Variants in COXFA4L2 observed in about 807,000 individuals in gnomAD.
The protein encoded by COXFA4L2 is cytochrome c oxidase hypoxia associated subunit FA4L2, also known as NADH dehydrogenase (ubiquinone) 1 alpha subcomplex, 4-like 2.
chr12:57,237,593 G>T, the COXFA4L2 span, among the ~76,000 whole-genome samples: 3 of 152,216 alleles, frequency 2.0e-5, no homozygotes, highest in Admixed American at 2.0e-4. Context: ...ACAGTGTAGT[G>T]GGGGAAGGAG....
chr12:57,240,714 C>A, the COXFA4L2 span: 1 of 985,524 alleles, frequency 1.0e-6, no homozygotes, highest in Non-Finnish European at 1.2e-6. Flanking sequence ...ACACACTCCC[C>A]GCTGGCTCTT....
the COXFA4L2 span, chr12:57,236,886 C>T: frequency 3.6e-5 from 43 of 1,180,732 alleles, no homozygotes; most frequent in East Asian, 8.9e-4. Flanking sequence ...GACACAGGGA[C>T]GTTTCGGAGA....
At chr12:57,236,351 A>C in the COXFA4L2 span, 2 of 484,762 alleles carry the variant, frequency 4.1e-6, no homozygotes, top group Non-Finnish European at 7.2e-6. Context: ...CGTCATGGCA[A>C]CCCGGCCGGG....
chr12:57,235,523 G>T, the COXFA4L2 span: 2 of 1,604,120 alleles, frequency 1.2e-6, no homozygotes, highest in Non-Finnish European at 1.7e-6. Flanking sequence ...GGATGGGCTG[G>T]CTGGCTGTGG....
the COXFA4L2 span, chr12:57,236,487 G>C: frequency 4.2e-4 from 402 of 959,718 alleles, 1 homozygote; most frequent in African/African-American, 4.5e-3. Flanking sequence ...GGTCGGTACA[G>C]TCGAAGGTGC....
chr12:57,235,406 G>A, the COXFA4L2 span: 2 of 785,806 alleles, frequency 2.5e-6, no homozygotes, highest in Non-Finnish European at 4.3e-6. Flanking sequence ...AGGAGAGTAG[G>A]GGTGGAGCAG....
chr12:57,237,447 T>A, the COXFA4L2 span: 1 of 837,546 alleles, frequency 1.2e-6, no homozygotes, highest in Non-Finnish European at 1.6e-6. Context: ...GACAGGCACT[T>A]AGCAAAATGC....
At chr12:57,236,148 G>A in the COXFA4L2 span, 1 of 341,014 alleles carries the variant, frequency 2.9e-6, no homozygotes, top group Non-Finnish European at 5.3e-6. Flanking sequence ...TGGGTTTCTG[G>A]TGATGTGCCG....
the COXFA4L2 span, chr12:57,235,270 C>T: frequency 1.3e-5 from 7 of 536,234 alleles, no homozygotes; most frequent in African/African-American, 5.7e-5. Context: ...CTTCGAGGCC[C>T]GGGTAGGAGG....
chr12:57,237,450 C>G, the COXFA4L2 span: 1 of 807,228 alleles, frequency 1.2e-6, no homozygotes, highest in Non-Finnish European at 1.7e-6. Context: ...AGGCACTTAG[C>G]AAAATGCATG....
the COXFA4L2 span, chr12:57,237,810 G>T: frequency 6.5e-6 from 1 of 154,486 alleles, no homozygotes; most frequent in Admixed American, 6.5e-5. Context: ...CCTACCTGGG[G>T]TAGGGTAAAG....
At chr12:57,240,698 G>A in the COXFA4L2 span, 222 of 985,422 alleles carry the variant, frequency 2.3e-4, no homozygotes, top group Non-Finnish European at 2.6e-4. Context: ...GAGACGCGAT[G>A]GCAACACACA....
the COXFA4L2 span, chr12:57,237,403 AC>A: frequency 7.9e-7 from 1 of 1,273,526 alleles, no homozygotes; most frequent in Non-Finnish European, 1.0e-6. Flanking sequence ...GTGGCATAGG[AC>A]CCCATAAGAT....
chr12:57,240,613 G>A, the COXFA4L2 span: 37 of 965,736 alleles, frequency 3.8e-5, no homozygotes, highest in South Asian at 1.5e-3. Flanking sequence ...CTGTCATTCG[G>A]ATACACGCCG....
chr12:57,239,281 G>A, the COXFA4L2 span, among the ~76,000 whole-genome samples: 1 of 152,188 alleles, frequency 6.6e-6, no homozygotes, highest in African/African-American at 2.4e-5. The surrounding 1 kb of genome is among the most constrained non-coding windows in gnomAD (Gnocchi z 5.5). Context: ...ACCCCCTGTC[G>A]GGCAGTGTCG....
the COXFA4L2 span, chr12:57,236,291 A>G: frequency 2.4e-6 from 1 of 417,538 alleles, no homozygotes. Context: ...TGCTCTGGTG[A>G]GGACTTAGAG....
chr12:57,235,215 G>T, the COXFA4L2 span: 1 of 323,768 alleles, frequency 3.1e-6, no homozygotes, highest in Non-Finnish European at 5.8e-6. Context: ...CCTGCTTCTT[G>T]TTGGCTCACG....
chr12:57,238,487 G>A, the COXFA4L2 span, among the ~76,000 whole-genome samples: 1 of 152,172 alleles, frequency 6.6e-6, no homozygotes, highest in East Asian at 1.9e-4. This position sits in a 1 kb window ranked among gnomAD's most constrained non-coding sequence, Gnocchi z 6.8. Flanking sequence ...CGCCTCCAGG[G>A]CCCAGGAAGG....
the COXFA4L2 span, chr12:57,235,651 G>C: frequency 3.7e-6 from 6 of 1,613,636 alleles, no homozygotes; most frequent in South Asian, 6.6e-5. Flanking sequence ...GTTGCGCTGA[G>C]TACCCCAAGC....
Sources: gnomAD v4.1 joint callset for allele counts (sites outside exome capture counted in the v4.1 genomes callset) on GRCh38, gnomAD v4.1.1 for gene constraint, Gnocchi (gnomAD v3.1) non-coding constraint, MANE v1.5 for transcripts, NCBI Gene and HGNC (gene_info 2026-07-23, HGNC 2026-07-21) for gene names.